Variants in URI1 observed in about 807,000 individuals in gnomAD.
URI1 encodes URI1 prefoldin like chaperone, also known as unconventional prefoldin RPB5 interactor 1.
A neutral mutation model predicts 60.2 loss-of-function variants in URI1; 39 were observed. That is an observed-to-expected ratio of 0.65 (90% CI 0.50 to 0.85). The LOEUF is 0.85. URI1 is among the 40% of genes least tolerant of loss of function. The pLI is 0.00. For synonymous variants in URI1, 251 were observed against 236.8 expected, an observed-to-expected ratio of 1.06 and a Z score of -0.55; for missense variants, 691 against 665.9, an observed-to-expected ratio of 1.04 and a Z score of -0.42.
intron 1 of URI1, chr19:29,923,816 A>AAAATC: frequency 6.8e-7 from 1 of 1,467,192 alleles, no homozygotes; most frequent in Non-Finnish European, 9.2e-7. Flanking sequence ...TGAGGATTTT[A>AAAATC]CTTTAACCAC....
intron 8 of URI1, among the ~76,000 whole-genome samples, chr19:30,009,913 T>C (rs764495065): frequency 1.3e-5 from 2 of 152,180 alleles, no homozygotes; most frequent in Admixed American, 6.5e-5. Context: ...ATACAGAGTT[T>C]TAAAGCTTTT....
At chr19:29,963,008 C>T (rs1190889932) in intron 1 of URI1, among the ~76,000 whole-genome samples, 1 of 152,136 alleles carries the variant, frequency 6.6e-6, no homozygotes, top group Non-Finnish European at 1.5e-5. Context: ...GTGAATCTCC[C>T]CTGTGCCTCC....
At chr19:29,955,320 G>C (rs893152254) in intron 1 of URI1, among the ~76,000 whole-genome samples, 9 of 151,976 alleles carry the variant, frequency 5.9e-5, no homozygotes, top group Non-Finnish European at 1.0e-4. Context: ...CAGATATTCA[G>C]CTGATATCTT....
intron 1 of URI1, among the ~76,000 whole-genome samples, chr19:29,932,096 T>C (rs1169897918): frequency 1.3e-5 from 2 of 152,124 alleles, no homozygotes; most frequent in Non-Finnish European, 2.9e-5. Flanking sequence ...CTACGCTAAA[T>C]AGTAGTGGTA....
chr19:30,012,147 T>G, intron 9 of URI1, 138 bp from the exon 10 acceptor site: 1 of 994,074 alleles, frequency 1.0e-6, no homozygotes, highest in Admixed American at 2.8e-5. Context: ...TTATTGTGAT[T>G]GTGACTATTT....
At chr19:29,931,845 A>G (rs535870941) in intron 1 of URI1, among the ~76,000 whole-genome samples, 3 of 151,690 alleles carry the variant, frequency 2.0e-5, no homozygotes, top group Non-Finnish European at 4.4e-5. Context: ...CCTACTATAT[A>G]GAAACTGATT....
Position 29,970,128 on chromosome 19 carries a change from A to ATT in URI1, c.118-1038_118-1037dup, listed in dbSNP as rs199739403. Among the ~76,000 whole-genome samples the ATT allele has an allele frequency of 3.4e-3, 250 of 74,510 alleles. 21 individuals are homozygous for ATT. The highest frequency in any genetic ancestry group is 9.3e-3 in the African/African-American group (193 of 20,842). The allele number at this position is 74,510 out of a possible 152,430, so 48.9% of individuals were successfully genotyped here. ...GACAGGTCTAAAAAAAATCGTGTGT[A>ATT]TTTTTTTTTTTTTTTTTTTTTTTTT... On this transcript the variant is annotated intron_variant, in intron 1 of 10. Transcript: ENST00000392271.
chr19:29,997,186 A>G (rs1312110921), intron 4 of URI1, among the ~76,000 whole-genome samples: 1 of 152,174 alleles, frequency 6.6e-6, no homozygotes, highest in Non-Finnish European at 1.5e-5. Context: ...CTGTGAAAGC[A>G]TCTCTTCTTG....
intron 1 of URI1, among the ~76,000 whole-genome samples, chr19:29,946,630 A>G (rs554679588): frequency 6.6e-6 from 1 of 152,288 alleles, no homozygotes; most frequent in African/African-American, 2.4e-5. Flanking sequence ...TTAAGAGTAA[A>G]TATTTTAAAT....
intron 1 of URI1, among the ~76,000 whole-genome samples, chr19:29,950,016 A>C (rs947156566): frequency 6.6e-6 from 1 of 152,248 alleles, no homozygotes; most frequent in East Asian, 1.9e-4. Context: ...AGCCGAAGGC[A>C]CATTCCGTTT....
chr19:29,933,940 C>CTTTTTT (rs34942474), intron 1 of URI1, among the ~76,000 whole-genome samples: 1 of 124,706 alleles, frequency 8.0e-6, no homozygotes, highest in Non-Finnish European at 1.6e-5. Context: ...CTTTTCTTCC[C>CTTTTTT]TTTTTTTTTT....
intron 1 of URI1, among the ~76,000 whole-genome samples, chr19:29,933,917 CTTCT>C (rs1428214810): frequency 9.7e-5 from 14 of 144,282 alleles, no homozygotes; most frequent in African/African-American, 3.6e-4. Flanking sequence ...TTTGTTATTC[CTTCT>C]TTCTTTTTCT....
At chr19:30,012,141 T>C in intron 9 of URI1, 144 bp from the exon 10 acceptor site, 1 of 937,184 alleles carries the variant, frequency 1.1e-6, no homozygotes, top group Non-Finnish European at 1.5e-6. Flanking sequence ...ATAAAATTAT[T>C]GTGATTGTGA....
chr19:30,007,627 T>G lies in URI1; in HGVS notation c.675T>G (p.Gly225=). 1 of 1,606,306 alleles carries G rather than the reference T, an allele frequency of 6.2e-7. No individual in the cohort carries two copies. The highest frequency in any genetic ancestry group is 8.5e-7 in the Non-Finnish European group (1 of 1,176,498). ...TAGAGAGACAGGAAGAATTGCTGGG[T>G]GAACTTGATAGGTACTTGATGACAA... ...EELERQEELL[G]ELDSKPDTVI... Residue 225 remains glycine, a synonymous_variant, in exon 7 of 11, where the codon GGT becomes GGG. Coordinates refer to ENST00000392271, the MANE Select transcript of URI1 (RefSeq NM_003796.3).
At chr19:29,955,994 T>C (rs1287720411) in intron 1 of URI1, among the ~76,000 whole-genome samples, 1 of 151,690 alleles carries the variant, frequency 6.6e-6, no homozygotes, top group Non-Finnish European at 1.5e-5. Flanking sequence ...TTTTTTTTTT[T>C]ATTTTTTGAG....
intron 8 of URI1, among the ~76,000 whole-genome samples, chr19:30,010,820 T>C (rs1336932179): frequency 1.3e-5 from 2 of 152,200 alleles, no homozygotes; most frequent in African/African-American, 2.4e-5. Flanking sequence ...ATAAGAAATC[T>C]AGCATTTAGT....
chr19:29,990,105 G>A (rs2055727734), intron 4 of URI1, among the ~76,000 whole-genome samples: 1 of 152,110 alleles, frequency 6.6e-6, no homozygotes, highest in South Asian at 2.1e-4. Flanking sequence ...TCTTGCATAT[G>A]GATGTCCAGT....
chr19:29,926,277 TTCC>T (rs2054866712), intron 1 of URI1, among the ~76,000 whole-genome samples: 1 of 143,538 alleles, frequency 7.0e-6, no homozygotes, highest in African/African-American at 2.7e-5. Flanking sequence ...CCTTCCTTCC[TTCC>T]TTCCTACCTT....
At chr19:29,976,597 A>G (rs898415856) in intron 2 of URI1, among the ~76,000 whole-genome samples, 5 of 152,232 alleles carry the variant, frequency 3.3e-5, no homozygotes, top group African/African-American at 1.2e-4. Flanking sequence ...ATTAATGGTC[A>G]TTTTTAATGC....
Sources: allele counts gnomAD v4.1 joint callset (sites outside exome capture counted in the v4.1 genomes callset), GRCh38; gene constraint gnomAD v4.1.1; transcripts MANE v1.5; gene names NCBI Gene and HGNC (gene_info 2026-07-23, HGNC 2026-07-21).